Variants in PRKN observed in about 807,000 individuals in gnomAD.
The protein encoded by PRKN is parkin RBR E3 ubiquitin protein ligase.
Under a neutral mutation model 59.5 loss-of-function variants are expected in PRKN, and 56 were observed. That is an observed-to-expected ratio of 0.94 (90% confidence interval 0.76 to 1.18). The LOEUF (loss-of-function observed/expected upper bound fraction) is 1.18. PRKN is among the 50% of genes most tolerant of loss of function. PRKN has a pLI of 0.00. For synonymous variants in PRKN, 250 were observed against 222.1 expected, an observed-to-expected ratio of 1.13 and a Z score of -1.12; for missense variants, 657 against 596.4, an observed-to-expected ratio of 1.10 and a Z score of -1.06.
At chr6:162,209,394 C>G (rs977945476) in intron 3 of PRKN, among the ~76,000 whole-genome samples, 1 of 152,104 alleles carries the variant, frequency 6.6e-6, no homozygotes, top group African/African-American at 2.4e-5. Flanking sequence ...TAAATCAAAA[C>G]CACAATGAGA....
rs1562383605 is a variant in PRKN, at chr6:161,347,606, C to CCTTTTTGTTTTTTTTTTT, written c.*2492_*2493insAAAAAAAAAAACAAAAAG. On this transcript the variant is annotated 3_prime_UTR_variant, in exon 12 of 12. Transcript: ENST00000366898. ...TGTTCATGTGTAGTGGATGATCTTG[C>CCTTTTTGTTTTTTTTTTT]TTTTTTGTTTTTGTTTTTTTTTTTT... 1 of 134,762 alleles carries CCTTTTTGTTTTTTTTTTT rather than the reference C, an allele frequency of 7.4e-6. No individual in the cohort carries two copies. Among genetic ancestry groups the CCTTTTTGTTTTTTTTTTT allele is most frequent in the Non-Finnish European group, 1.6e-5 (1 of 62,992 alleles). The allele number at this position is 134,762 out of a possible 1,614,324, so 8.3% of individuals were successfully genotyped here.
chr6:161,936,241 G>A (rs920191421), intron 6 of PRKN, among the ~76,000 whole-genome samples: 13 of 145,952 alleles, frequency 8.9e-5, no homozygotes, highest in African/African-American at 2.8e-4. Context: ...ACAGAGTCTC[G>A]CTCTGTCACC....
chr6:162,202,728 T>C (rs1235053965), intron 3 of PRKN, among the ~76,000 whole-genome samples: 1 of 152,226 alleles, frequency 6.6e-6, no homozygotes, highest in Non-Finnish European at 1.5e-5. Context: ...GAAATATTTG[T>C]AACAACTGAC....
chr6:162,297,421 A>T (rs76237115), intron 2 of PRKN, among the ~76,000 whole-genome samples: 6,387 of 152,010 alleles, frequency 0.042, 232 homozygotes, highest in African/African-American at 0.093. Context: ...GCATTCTTTC[A>T]CATCTGGCAC....
intron 2 of PRKN, among the ~76,000 whole-genome samples, chr6:162,314,050 C>T (rs1387411277): frequency 6.6e-6 from 1 of 152,092 alleles, no homozygotes; most frequent in East Asian, 1.9e-4. Flanking sequence ...ACAGTCATAT[C>T]GCCACCACCC....
At chr6:161,476,403 T>C (rs1791086160) in intron 9 of PRKN, among the ~76,000 whole-genome samples, 1 of 152,156 alleles carries the variant, frequency 6.6e-6, no homozygotes, top group Admixed American at 6.5e-5. Flanking sequence ...CCGAAGCTTT[T>C]GTTTGTGGGA....
intron 4 of PRKN, among the ~76,000 whole-genome samples, chr6:162,099,647 T>C (rs1422218124): frequency 1.3e-5 from 2 of 152,216 alleles, no homozygotes; most frequent in East Asian, 3.8e-4. Flanking sequence ...CAAATAACTA[T>C]TTTTAAATCA....
At chr6:161,836,269 T>C (rs1485852265) in intron 6 of PRKN, among the ~76,000 whole-genome samples, 2 of 152,182 alleles carry the variant, frequency 1.3e-5, no homozygotes, top group Non-Finnish European at 2.9e-5. Context: ...CCCTGCCATA[T>C]GTGGGCTACT....
intron 3 of PRKN, among the ~76,000 whole-genome samples, chr6:162,204,780 G>A (rs1197493464): frequency 6.6e-6 from 1 of 151,026 alleles, no homozygotes; most frequent in African/African-American, 2.4e-5. Flanking sequence ...CTTTTAAAGC[G>A]TGAGTCACCG....
In PRKN at chr6:161,545,013, G is replaced by A. The variant is rs992296409; in HGVS notation, c.1083+3841C>T. The stretch of plus-strand genomic sequence containing the variant: ...CGGAAGACCACCCAGGTACATGGTC[G>A]TGGGTGAAATGACTAGAAGATTAGA... On this transcript the variant is annotated intron_variant, in intron 9 of 11. Transcript: ENST00000366898. This position sits in a 1 kb window ranked among gnomAD's most constrained non-coding sequence, Gnocchi z 4.1. 79 of 297,734 alleles carry A rather than the reference G, an allele frequency of 2.7e-4. No individual in the cohort carries two copies. The highest frequency in any genetic ancestry group is 1.6e-3 in the African/African-American group (72 of 44,514). The allele number at this position is 297,734 out of a possible 1,614,324, so 18.4% of individuals were successfully genotyped here.
At chr6:162,274,946 T>C (rs1488077542) in intron 2 of PRKN, 1 of 151,930 alleles carries the variant, frequency 6.6e-6, no homozygotes, top group Non-Finnish European at 1.5e-5. Context: ...CCGGGTGTGG[T>C]GGCAGGTGCC....
In PRKN at chr6:162,556,519, C is replaced by A. The variant is rs544253978; in HGVS notation, c.8-113046G>T. Among the ~76,000 whole-genome samples the A allele has an allele frequency of 7.9e-5, 12 of 151,482 alleles. No homozygotes were observed. The South Asian group carries it at 2.5e-3, about 32-fold the overall frequency. Reference sequence around the variant, plus strand: ...ATCCCAGCACTTTGGGAGGCCGAGGCGGGGGGATCACGAAATCAGGAGATC... The same window carrying A: ...ATCCCAGCACTTTGGGAGGCCGAGGAGGGGGGATCACGAAATCAGGAGATC... On this transcript the variant is annotated intron_variant, in intron 1 of 11. Transcript: ENST00000366898.
chr6:161,392,346 T>A (rs1786549747), intron 9 of PRKN, among the ~76,000 whole-genome samples: 1 of 151,728 alleles, frequency 6.6e-6, no homozygotes. Context: ...ATTGTGCCAT[T>A]GCACTCCAGC....
chr6:162,620,426 AACT>A (rs1782616696), intron 1 of PRKN, among the ~76,000 whole-genome samples: 1 of 137,444 alleles, frequency 7.3e-6, no homozygotes, highest in African/African-American at 2.5e-5. Context: ...TAAAAATTAA[AACT>A]CAACATAAGC....
At chr6:162,199,355 A>G (rs1433827107) in intron 4 of PRKN, among the ~76,000 whole-genome samples, 2 of 152,176 alleles carry the variant, frequency 1.3e-5, no homozygotes, top group African/African-American at 2.4e-5. Flanking sequence ...TTATCCTCAC[A>G]TCTAAAATAG....
chr6:162,288,266 G>A (rs1372424211), intron 2 of PRKN, among the ~76,000 whole-genome samples: 8 of 152,072 alleles, frequency 5.3e-5, no homozygotes, highest in Non-Finnish European at 1.2e-4. Flanking sequence ...TTTGGCTGCT[G>A]GTAGTAGGCA....
chr6:161,840,340 G>T (rs1792932802), intron 6 of PRKN, among the ~76,000 whole-genome samples: 1 of 152,232 alleles, frequency 6.6e-6, no homozygotes, highest in African/African-American at 2.4e-5. Flanking sequence ...AGCAGCTAAA[G>T]TGCATCTACC....
rs1372543106 is a variant in PRKN, at chr6:161,401,489, T to C, written c.1084-14612A>G. Among the ~76,000 whole-genome samples the C allele has an allele frequency of 6.6e-6, 1 of 152,066 alleles. No individual in the cohort carries two copies. The highest frequency in any genetic ancestry group is 6.6e-5 in the Admixed American group (1 of 15,262). On this transcript the variant is annotated intron_variant, in intron 9 of 11. Transcript: ENST00000366898. The surrounding 1 kb of genome is among the most constrained non-coding windows in gnomAD (Gnocchi z 4.4). The stretch of plus-strand genomic sequence containing the variant: ...TTAGCTGGGCGTGGTGGTGGACGCC[T>C]GTAATCCCAGCTACTCAGGAGGCTG...
At chr6:162,394,853 G>A (rs964537150) in intron 2 of PRKN, among the ~76,000 whole-genome samples, 1 of 152,150 alleles carries the variant, frequency 6.6e-6, no homozygotes, top group Non-Finnish European at 1.5e-5. Flanking sequence ...TTTAAATCCT[G>A]TATATGTTTA....
Sources: gnomAD v4.1 joint callset for allele counts (sites outside exome capture counted in the v4.1 genomes callset) on GRCh38, gnomAD v4.1.1 for gene constraint, Gnocchi (gnomAD v3.1) non-coding constraint, MANE v1.5 for transcripts, NCBI Gene and HGNC (gene_info 2026-07-23, HGNC 2026-07-21) for gene names.